Variants in GFOD1 observed in about 807,000 individuals in gnomAD.
The protein encoded by GFOD1 is glucose-fructose oxidoreductase domain-containing protein 1.
Under a neutral mutation model 25.4 loss-of-function variants are expected in GFOD1, and 9 were observed. The ratio of observed to expected loss-of-function variants is 0.35; its 90% CI spans 0.21 to 0.62. The LOEUF (loss-of-function observed/expected upper bound fraction) is 0.62. GFOD1 is among the 20% of genes least tolerant of loss of function. The pLI is 0.72. For missense variants in GFOD1, 403 were observed against 556.9 expected, an observed-to-expected ratio of 0.72 and a Z score of 2.78; for synonymous variants, 253 against 245.6, an observed-to-expected ratio of 1.03 and a Z score of -0.28.
intron 1 of GFOD1, among the ~76,000 whole-genome samples, chr6:13,485,816 T>C (rs1186210545): frequency 6.6e-6 from 1 of 152,192 alleles, no homozygotes; most frequent in African/African-American, 2.4e-5. Flanking sequence ...TCCATGCCTC[T>C]GGAGCTACTG....
chr6:13,458,648 T>C (rs1758234317), intron 1 of GFOD1, among the ~76,000 whole-genome samples: 2 of 149,976 alleles, frequency 1.3e-5, no homozygotes, highest in Non-Finnish European at 3.0e-5. Context: ...ACCTGCATTA[T>C]AGGGTTGTTG....
intron 1 of GFOD1, among the ~76,000 whole-genome samples, chr6:13,375,775 C>A (rs73723287): frequency 0.028 from 4,248 of 152,252 alleles, 158 homozygotes; most frequent in African/African-American, 0.09. Flanking sequence ...GCCCAGGAAC[C>A]CCCATTAGCA....
intron 1 of GFOD1, among the ~76,000 whole-genome samples, chr6:13,480,040 C>T (rs908198554): frequency 6.6e-6 from 1 of 152,208 alleles, no homozygotes; most frequent in African/African-American, 2.4e-5. Flanking sequence ...AATCCTCTCT[C>T]AACCCCATTT....
At chr6:13,449,074 A>G (rs1758052502) in intron 1 of GFOD1, among the ~76,000 whole-genome samples, 1 of 152,000 alleles carries the variant, frequency 6.6e-6, no homozygotes, top group Admixed American at 6.6e-5. Context: ...ATCACTTGAA[A>G]CCAGGGGTTT....
chr6:13,440,597 T>C (rs1038541731), intron 1 of GFOD1, among the ~76,000 whole-genome samples: 4 of 152,212 alleles, frequency 2.6e-5, no homozygotes, highest in Non-Finnish European at 5.9e-5. Flanking sequence ...TCCTCATCGC[T>C]AGAAAACCAA....
chr6:13,392,024 C>T (rs1011670078), intron 1 of GFOD1, among the ~76,000 whole-genome samples: 1 of 152,158 alleles, frequency 6.6e-6, no homozygotes, highest in African/African-American at 2.4e-5. Flanking sequence ...CCAGGGACTA[C>T]TCTGGTAGAC....
intron 1 of GFOD1, among the ~76,000 whole-genome samples, chr6:13,367,287 C>A (rs1005388654): frequency 6.6e-6 from 1 of 152,206 alleles, no homozygotes; most frequent in Non-Finnish European, 1.5e-5. Flanking sequence ...TGGCTAATGT[C>A]TTCCCCTCTC....
intron 1 of GFOD1, among the ~76,000 whole-genome samples, chr6:13,378,048 A>C (rs1219750168): frequency 6.6e-6 from 1 of 152,212 alleles, no homozygotes; most frequent in Non-Finnish European, 1.5e-5. Context: ...CACAAGGAAG[A>C]GAAGAGGAGC....
chr6:13,469,390 A>T (rs1758437318), intron 1 of GFOD1: 2 of 984,958 alleles, frequency 2.0e-6, no homozygotes, highest in Non-Finnish European at 2.4e-6. Context: ...ATCCTGTGGG[A>T]TACATGCAGT....
chr6:13,455,588 C>A (rs1321037116), intron 1 of GFOD1, among the ~76,000 whole-genome samples: 3 of 152,192 alleles, frequency 2.0e-5, no homozygotes, highest in African/African-American at 7.2e-5. Flanking sequence ...CGGTAGCCCA[C>A]CAGACGCCCT....
At chr6:13,374,269 T>G (rs200728223) in intron 1 of GFOD1, among the ~76,000 whole-genome samples, 24,109 of 121,348 alleles carry the variant, frequency 0.2, 2,798 homozygotes, top group East Asian at 0.56. Flanking sequence ...AATATGTTTT[T>G]TTTTTGTGTG....
intron 1 of GFOD1, among the ~76,000 whole-genome samples, chr6:13,369,875 A>C (rs912094187): frequency 1.3e-5 from 2 of 152,214 alleles, no homozygotes; most frequent in Admixed American, 6.5e-5. Context: ...CTGAAATGAC[A>C]AAAGAAAAAG....
At chr6:13,454,831 G>A (rs892852517) in intron 1 of GFOD1, among the ~76,000 whole-genome samples, 1 of 152,202 alleles carries the variant, frequency 6.6e-6, no homozygotes, top group African/African-American at 2.4e-5. Context: ...TGCAAGAGGG[G>A]GAGAGAGGTG....
At chr6:13,372,417 A>G (rs1297790618) in intron 1 of GFOD1, among the ~76,000 whole-genome samples, 1 of 152,206 alleles carries the variant, frequency 6.6e-6, no homozygotes, top group Admixed American at 6.5e-5. Context: ...GCTATAGGGA[A>G]GAGTTTCCAG....
intron 1 of GFOD1, among the ~76,000 whole-genome samples, chr6:13,394,385 G>A (rs976444709): frequency 2.0e-5 from 3 of 151,520 alleles, no homozygotes; most frequent in Middle Eastern, 3.5e-3. Context: ...AACTTTGGTC[G>A]TCTCTGGGCA....
intron 1 of GFOD1, among the ~76,000 whole-genome samples, chr6:13,419,140 C>T (rs1284530146): frequency 6.6e-6 from 1 of 152,214 alleles, no homozygotes; most frequent in Non-Finnish European, 1.5e-5. Context: ...TGGACTTCCA[C>T]TGCATTCCCT....
Position 13,360,887 on chromosome 6 carries a change from C to G in GFOD1, c.*3856G>C. On this transcript the variant is annotated 3_prime_UTR_variant, in exon 2 of 2. Coordinates refer to ENST00000379287, the MANE Select transcript of GFOD1 (RefSeq NM_018988.4). ...GGTGCCCACATCTCTTCCTGGGAGG[C>G]AGTGTGGTCTGGAGGAGAAGATTAA... The G allele has an allele frequency of 4.4e-6, 2 of 456,586 alleles. No homozygotes were observed. Among genetic ancestry groups the G allele is most frequent in the South Asian group, 1.5e-5 (1 of 64,566 alleles). The allele number at this position is 456,586 out of a possible 1,614,324, so 28.3% of individuals were successfully genotyped here.
intron 1 of GFOD1, among the ~76,000 whole-genome samples, chr6:13,416,291 C>T (rs144678445): frequency 2.5e-4 from 38 of 152,232 alleles, no homozygotes; most frequent in Non-Finnish European, 4.4e-4. Context: ...CTCAAGTATG[C>T]TTTATAGCAG....
intron 1 of GFOD1, among the ~76,000 whole-genome samples, chr6:13,388,044 T>G (rs924727220): frequency 3.9e-5 from 6 of 152,136 alleles, no homozygotes; most frequent in African/African-American, 1.2e-4. Flanking sequence ...TACCTAGGAA[T>G]CCAACTTACA....
Sources: allele counts gnomAD v4.1 joint callset (sites outside exome capture counted in the v4.1 genomes callset), GRCh38; gene constraint gnomAD v4.1.1; transcripts MANE v1.5; gene names NCBI Gene and HGNC (gene_info 2026-07-23, HGNC 2026-07-21).